EAPP: variants seen among roughly 807,000 people sequenced by gnomAD.
EAPP encodes E2F-associated phosphoprotein.
In EAPP, 38 loss-of-function variants were observed where a neutral mutation model predicts 34.3. The ratio of observed to expected loss-of-function variants is 1.11; its 90% CI spans 0.85 to 1.45. The LOEUF is 1.45. EAPP is among the 40% of genes most tolerant of loss of function. EAPP has a pLI of 0.00. For missense variants in EAPP, 338 were observed against 343.7 expected (o/e 0.98, Z 0.13); for synonymous variants, 113 against 117.6 (o/e 0.96, Z 0.25).
chr14:34,537,824 G>A (rs1455573127), intron 1 of EAPP, among the ~76,000 whole-genome samples: 1 of 152,082 alleles, frequency 6.6e-6, no homozygotes, highest in Non-Finnish European at 1.5e-5. Context: ...TCTTATCTTT[G>A]ACCCAGGAGT....
intron 5 of EAPP, among the ~76,000 whole-genome samples, chr14:34,521,257 G>C (rs1183142917): frequency 1.3e-5 from 2 of 151,396 alleles, no homozygotes; most frequent in Non-Finnish European, 2.9e-5. Context: ...TTTTAGTAGA[G>C]ACAGGGTTTC....
chr14:34,516,536 G>C lies in EAPP; in HGVS notation c.632C>G (p.Ser211Cys), dbSNP rs577244593. ...TCTTAGAACCTCCTCTTTGTTAATA[G>C]AACAATTCATTACAAACATTGCTCT... Reference protein sequence around the residue: ...QYRAMFVMNCSINKEEVLRYK... With the variant: ...QYRAMFVMNCCINKEEVLRYK... Residue 211 changes from serine (S) to cysteine (C), a missense_variant, in exon 6 of 6, where the codon TCT becomes TGT. Coordinates refer to ENST00000250454, the MANE Select transcript of EAPP (RefSeq NM_018453.4). 66 of 1,613,868 alleles carry C rather than the reference G, an allele frequency of 4.1e-5. 1 individual carries two copies. The South Asian group carries it at 5.6e-4, about 14-fold the overall frequency.
At chr14:34,535,153 G>A (rs1009200970) in intron 2 of EAPP, among the ~76,000 whole-genome samples, 6 of 133,874 alleles carry the variant, frequency 4.5e-5, no homozygotes, top group Non-Finnish European at 6.2e-5. Flanking sequence ...TTTTTGAGAC[G>A]GAGTCTCACT....
intron 1 of EAPP, among the ~76,000 whole-genome samples, chr14:34,538,975 C>G (rs936643809): frequency 6.6e-6 from 1 of 152,098 alleles, no homozygotes; most frequent in Non-Finnish European, 1.5e-5. Flanking sequence ...TCTTATTACC[C>G]TTATTATACT....
Position 34,536,282 on chromosome 14 carries a change from T to C in EAPP, c.75-7A>G, listed in dbSNP as rs372745064. The C allele has an allele frequency of 8.3e-6, 13 of 1,575,662 alleles. No individual in the cohort carries two copies. Among genetic ancestry groups the C allele is most frequent in the Non-Finnish European group, 1.1e-5 (13 of 1,166,290 alleles). ...ATCCACTTCATCCTCAGAGCTAGCATACATTTAAATCAAAAAGAATATGAA... is the reference window on the plus strand; with the variant it reads ...ATCCACTTCATCCTCAGAGCTAGCACACATTTAAATCAAAAAGAATATGAA... On this transcript the variant is annotated splice_polypyrimidine_tract_variant and splice_region_variant and intron_variant, in intron 1 of 5. Coordinates refer to ENST00000250454, the MANE Select transcript of EAPP (RefSeq NM_018453.4).
At chr14:34,531,862 G>A (rs1880303648) in intron 3 of EAPP, among the ~76,000 whole-genome samples, 2 of 151,182 alleles carry the variant, frequency 1.3e-5, no homozygotes, top group Admixed American at 1.3e-4. Flanking sequence ...GGATCACAAG[G>A]TCAGGAGATC....
At chr14:34,539,287 C>G in intron 1 of EAPP, 2 of 648,832 alleles carry the variant, frequency 3.1e-6, no homozygotes, top group South Asian at 1.5e-5. Flanking sequence ...GGTGTAGAGA[C>G]AGGTTTCGAT....
intron 5 of EAPP, 61 bp from the exon 6 acceptor site, chr14:34,516,647 T>C (rs553547868): frequency 1.2e-4 from 184 of 1,503,044 alleles, no homozygotes; most frequent in Non-Finnish European, 1.5e-4. Flanking sequence ...TTTATCCATT[T>C]AGATAAAATT....
chr14:34,521,639 T>TC (rs1031675170), intron 5 of EAPP, among the ~76,000 whole-genome samples: 14 of 150,324 alleles, frequency 9.3e-5, no homozygotes, highest in Admixed American at 5.3e-4. Context: ...AGATTTCTTT[T>TC]TTTTTTTTTT....
intron 4 of EAPP, among the ~76,000 whole-genome samples, chr14:34,528,648 G>A (rs1364234229): frequency 1.3e-5 from 2 of 150,516 alleles, no homozygotes; most frequent in African/African-American, 2.4e-5. Context: ...TCAAACTCCC[G>A]ACCTCAGGTG....
intron 5 of EAPP, among the ~76,000 whole-genome samples, chr14:34,519,609 A>C (rs1166095458): frequency 6.6e-6 from 1 of 151,968 alleles, no homozygotes; most frequent in East Asian, 1.9e-4. Flanking sequence ...GAGCCAATTA[A>C]ACTTCTTTCT....
At chr14:34,535,309 T>C (rs1211478379) in intron 2 of EAPP, among the ~76,000 whole-genome samples, 1 of 151,658 alleles carries the variant, frequency 6.6e-6, no homozygotes, top group Non-Finnish European at 1.5e-5. Flanking sequence ...TTTGTATTTT[T>C]AGTAGAGACG....
intron 3 of EAPP, among the ~76,000 whole-genome samples, chr14:34,530,432 T>C (rs1187637494): frequency 6.6e-6 from 1 of 152,074 alleles, no homozygotes; most frequent in Non-Finnish European, 1.5e-5. Flanking sequence ...GAAGCTGAGC[T>C]GGGAGGATGG....
At chr14:34,529,253 G>A in intron 4 of EAPP, 105 bp downstream of exon 4, 1 of 816,156 alleles carries the variant, frequency 1.2e-6, no homozygotes, top group Non-Finnish European at 1.9e-6. Context: ...TTGTGTGTGT[G>A]TGTTTGTGTA....
chr14:34,521,299 G>C (rs1298693429), intron 5 of EAPP, among the ~76,000 whole-genome samples: 1 of 151,666 alleles, frequency 6.6e-6, no homozygotes, highest in Admixed American at 6.6e-5. Flanking sequence ...TCGAACTGCT[G>C]ACCTCAGGTG....
chr14:34,516,410 A>C lies in EAPP; in HGVS notation c.758T>G (p.Ile253Ser). The change falls in exon 6 of 6, where the codon ATC becomes AGC. Residue 253 changes from isoleucine to serine, a missense_variant. By Grantham distance (142) the Ile-to-Ser change is moderately radical. Transcript: ENST00000250454. ...AEKAETDVEE[I>S]YHPVMCTECS... ...TTCAGTGCACATGACTGGGTGATAG[A>C]TTTCTTCCACATCTGTCTCTGCCTT... is the stretch of plus-strand genomic sequence containing the variant. The C allele has an allele frequency of 6.2e-7, 1 of 1,614,186 alleles. No homozygotes were observed. Among genetic ancestry groups the C allele is most frequent in the Non-Finnish European group, 8.5e-7 (1 of 1,180,042 alleles).
chr14:34,523,284 C>A (rs1204713636), intron 5 of EAPP, among the ~76,000 whole-genome samples: 1 of 149,222 alleles, frequency 6.7e-6, no homozygotes, highest in Non-Finnish European at 1.5e-5. Context: ...GTTGCCCAGG[C>A]TGGAGTGCAG....
chr14:34,529,147 T>C (rs1480077620), intron 4 of EAPP, among the ~76,000 whole-genome samples: 4 of 151,978 alleles, frequency 2.6e-5, no homozygotes, highest in Non-Finnish European at 5.9e-5. Flanking sequence ...AAAATAATAA[T>C]AAAAATTTAA....
intron 3 of EAPP, among the ~76,000 whole-genome samples, chr14:34,531,398 CGA>C (rs1294804815): frequency 6.6e-6 from 1 of 151,846 alleles, no homozygotes; most frequent in African/African-American, 2.4e-5. Flanking sequence ...GTCAGGAGAT[CGA>C]GACCATCCTG....
Sources: allele counts gnomAD v4.1 joint callset (sites outside exome capture counted in the v4.1 genomes callset), GRCh38; gene constraint gnomAD v4.1.1; transcripts MANE v1.5; gene names NCBI Gene and HGNC (gene_info 2026-07-23, HGNC 2026-07-21).